The following NCLN variants were observed in gnomAD, a reference collection of about 807,000 sequenced individuals.
The protein encoded by NCLN is nicalin.
A neutral mutation model predicts 69.5 loss-of-function variants in NCLN; 34 were observed. That is an observed-to-expected ratio of 0.49 (90% CI 0.37 to 0.65). NCLN has a LOEUF of 0.65. NCLN is among the 30% of genes least tolerant of loss of function. NCLN has a pLI of 0.00. For synonymous variants in NCLN, 393 were observed against 358.3 expected (o/e 1.10, Z -1.09); for missense variants, 710 against 804.8 (o/e 0.88, Z 1.42).
At position 3,197,118 on chromosome 19, in the gene NCLN, T is replaced by C. The variant is rs966744552; in HGVS notation, c.615+841T>C. ...GCTGTTCTGTTTGTTCCTGTTGGAT[T>C]GTACTGTGGGCCCGGGAGGCGCGTC... On this transcript the variant is annotated intron_variant, in intron 4 of 14. Coordinates refer to ENST00000246117, the MANE Select transcript of NCLN (RefSeq NM_020170.4). Among the ~76,000 whole-genome samples the C allele has an allele frequency of 2.6e-5, 4 of 152,320 alleles. No homozygotes were observed. In the East Asian group the frequency reaches 7.7e-4, roughly 29 times the overall value.
rs145305602 is a variant in NCLN, at chr19:3,193,304, G to A, written c.396G>A (p.Pro132=). The A allele has an allele frequency of 4.0e-5, 64 of 1,612,554 alleles. No individual in the cohort carries two copies. In the South Asian group the frequency reaches 5.4e-4, roughly 14 times the overall value. The part of the protein sequence containing the change: ...DVVRQFMEIE[P]EMLAMETAVP... ...CACAGCAATTCATGGAGATCGAGCC[G>A]GAGATGCTGGCCATGGAGACCGCCG... Residue 132 remains proline, a synonymous_variant, in exon 3 of 15, where the codon CCG becomes CCA. Coordinates refer to ENST00000246117, the MANE Select transcript of NCLN (RefSeq NM_020170.4).
intron 6 of NCLN, 124 bp downstream of exon 6, chr19:3,201,750 AG>A: frequency 1.3e-6 from 1 of 795,394 alleles, no homozygotes; most frequent in Non-Finnish European, 1.9e-6. Flanking sequence ...GCCTGAGCCC[AG>A]GAATTGGGGC....
In NCLN at chr19:3,204,609, A is replaced by G; in HGVS notation, c.1066A>G (p.Met356Val). The G allele has an allele frequency of 1.3e-6, 2 of 1,588,178 alleles. No homozygotes were observed. Among genetic ancestry groups the G allele is most frequent in the Non-Finnish European group, 1.7e-6 (2 of 1,167,858 alleles). The stretch of plus-strand genomic sequence containing the variant: ...CCAGTTCCCTGAGGTACGGTTCTCC[A>G]TGGTGCACAAGCGGATCAACCTGGC... ...AHQFPEVRFS[M>V]VHKRINLAED... The change falls in exon 9 of 15, where the codon ATG becomes GTG. Residue 356 changes from methionine to valine, a missense_variant. By Grantham distance (21) the Met-to-Val change is conservative (BLOSUM62 1). Coordinates refer to ENST00000246117, the MANE Select transcript of NCLN (RefSeq NM_020170.4).
chr19:3,202,200 C>T lies in NCLN; in HGVS notation c.800+574C>T, dbSNP rs141140512. Among the ~76,000 whole-genome samples the T allele has an allele frequency of 6.6e-3, 1,000 of 152,222 alleles. 4 individuals carry two copies. The highest frequency in any genetic ancestry group is 0.011 in the Non-Finnish European group (734 of 67,994). ...CCCAGGAGGCTGCACACATTGAAAT[C>T]CACACCCTGAGTAGGAAGGGAGAGA... On this transcript the variant is annotated intron_variant, in intron 6 of 14. Transcript: ENST00000246117.
intron 5 of NCLN, among the ~76,000 whole-genome samples, chr19:3,201,162 C>G (rs1309166871): frequency 1.3e-5 from 2 of 152,236 alleles, no homozygotes; most frequent in Admixed American, 6.5e-5. Flanking sequence ...TGGACAGATG[C>G]TGCCCTCTGT....
intron 6 of NCLN, among the ~76,000 whole-genome samples, chr19:3,203,313 G>C (rs1486125262): frequency 1.4e-5 from 2 of 139,442 alleles, no homozygotes; most frequent in Non-Finnish European, 3.2e-5. Context: ...CGTCCCAAAA[G>C]AAAAAAAAAA....
At chr19:3,188,208 T>G (rs1402271531) in intron 1 of NCLN, among the ~76,000 whole-genome samples, 1 of 151,600 alleles carries the variant, frequency 6.6e-6, no homozygotes, top group Non-Finnish European at 1.5e-5. Context: ...CCCGGGCAGG[T>G]GTGATCTGGT....
At position 3,205,950 on chromosome 19, in the gene NCLN, A is replaced by T. The variant is rs759576654; in HGVS notation, c.1220A>T (p.Asp407Val). The T allele has an allele frequency of 6.2e-7, 1 of 1,613,660 alleles. No individual in the cohort carries two copies. Among genetic ancestry groups the T allele is most frequent in the Admixed American group, 1.7e-5 (1 of 60,002 alleles). Reference sequence around the variant, plus strand: ...TTTGAATCGTGAAGGTCCCGGGTGGATTCTAAGACCCTGACCCGTAACACG... The same window carrying T: ...TTTGAATCGTGAAGGTCCCGGGTGGTTTCTAAGACCCTGACCCGTAACACG... ...SSIMDVRSRV[D>V]SKTLTRNTRI... Residue 407 changes from aspartate (D) to valine (V), a missense_variant, in exon 10 of 15, where the codon GAT becomes GTT. Transcript: ENST00000246117. The surrounding 1 kb of genome is among the most constrained non-coding windows in gnomAD (Gnocchi z 4.6).
chr19:3,198,300 A>G (rs1916022644), intron 4 of NCLN, among the ~76,000 whole-genome samples: 3 of 151,986 alleles, frequency 2.0e-5, no homozygotes, highest in Non-Finnish European at 4.4e-5. Context: ...AGATCAGGAG[A>G]TCAAGACCAT....
At chr19:3,187,920 G>A (rs939177066) in intron 1 of NCLN, among the ~76,000 whole-genome samples, 3 of 152,110 alleles carry the variant, frequency 2.0e-5, no homozygotes, top group Admixed American at 2.0e-4. Context: ...CTGTAGAATC[G>A]CCTCCATCTT....
At chr19:3,192,956 A>G (rs1915866424) in intron 2 of NCLN, among the ~76,000 whole-genome samples, 1 of 150,550 alleles carries the variant, frequency 6.6e-6, no homozygotes, top group Admixed American at 6.7e-5. Context: ...ATCTGGCCCC[A>G]GGGTCCACAG....
At chr19:3,203,938 C>T in intron 7 of NCLN, 67 bp from the exon 8 acceptor site, 5 of 1,557,376 alleles carry the variant, frequency 3.2e-6, no homozygotes, top group Non-Finnish European at 4.3e-6. Flanking sequence ...AGCCAGGAGG[C>T]ACAGAGGGAG....
At chr19:3,196,312 CCCCAGGGGTT>C in intron 4 of NCLN, 35 bp downstream of exon 4, 1 of 1,454,568 alleles carries the variant, frequency 6.9e-7, no homozygotes, top group Non-Finnish European at 9.4e-7. Context: ...AGCCCCACGT[CCCCAGGGGTT>C]CCTGCCATCC....
In NCLN at chr19:3,206,393, C is replaced by A; in HGVS notation, c.1467C>A (p.Asp489Glu). Residue 489 changes from aspartate to glutamate, a missense_variant, in exon 12 of 15, where the codon GAC (aspartate) becomes GAA (glutamate). Transcript: ENST00000246117. Reference sequence around the variant, plus strand: ...ACCACCTGAGCCGCTACCTGAAGGACGTGAAGCAGCACCACGTCAAGGCTG... The same window carrying A: ...ACCACCTGAGCCGCTACCTGAAGGAAGTGAAGCAGCACCACGTCAAGGCTG... ...LEHHLSRYLK[D>E]VKQHHVKADK... The A allele has an allele frequency of 6.5e-7, 1 of 1,548,072 alleles. No individual in the cohort carries two copies. The highest frequency in any genetic ancestry group is 8.7e-7 in the Non-Finnish European group (1 of 1,146,894).
Position 3,204,736 on chromosome 19 carries a change from G to A in NCLN, c.1193G>A (p.Ser398Asn), listed in dbSNP as rs1446282889. Reference protein sequence around the residue: ...LESHRDGQRSSIMDVRSRVDS... With the variant: ...LESHRDGQRSNIMDVRSRVDS... ...AGCCACCGTGACGGCCAGCGCAGCAGCATCATGGACGTGCGGTGAGCGCGG... is the reference window on the plus strand; with the variant it reads ...AGCCACCGTGACGGCCAGCGCAGCAACATCATGGACGTGCGGTGAGCGCGG... Residue 398 changes from serine (S) to asparagine (N), a missense_variant, in exon 9 of 15, where the codon AGC becomes AAC. Transcript: ENST00000246117. The A allele has an allele frequency of 6.4e-7, 1 of 1,556,282 alleles. No individual in the cohort carries two copies. The highest frequency in any genetic ancestry group is 8.7e-7 in the Non-Finnish European group (1 of 1,150,452).
At chr19:3,189,792 C>G (rs1915764387) in intron 1 of NCLN, among the ~76,000 whole-genome samples, 1 of 152,228 alleles carries the variant, frequency 6.6e-6, no homozygotes, top group Non-Finnish European at 1.5e-5. Context: ...GGAGATGGGC[C>G]TTGGCCACAG....
Position 3,206,145 on chromosome 19 carries a change from T to TC in NCLN, c.1297-5dup. On this transcript the variant is annotated splice_polypyrimidine_tract_variant and splice_region_variant and intron_variant, in intron 10 of 14. Coordinates refer to ENST00000246117, the MANE Select transcript of NCLN (RefSeq NM_020170.4). ...GGACTCAGGGCCATCCCCTCCTCTC[T>TC]CCGCAGGGGACACCCCCAGACATGC... The TC allele has an allele frequency of 6.9e-7, 1 of 1,450,428 alleles. No homozygotes were observed. The highest frequency in any genetic ancestry group is 9.1e-7 in the Non-Finnish European group (1 of 1,095,968). The allele number at this position is 1,450,428 out of a possible 1,614,324, so 89.8% of individuals were successfully genotyped here.
In NCLN at chr19:3,186,046, G is replaced by A. The variant is rs1283807525; in HGVS notation, c.16G>A (p.Gly6Ser). 3.8e-6 allele frequency: 6 copies of A among 1,579,834 alleles called. No individual in the cohort carries two copies. In the Admixed American group the frequency reaches 5.3e-5, roughly 14 times the overall value. Reference protein sequence around the residue: MLEEAGEVLENMLKAS... With the variant: MLEEASEVLENMLKAS... ...GCCGGCCAGGATGCTGGAGGAAGCG[G>A]GCGAGGTGCTGGAGAACATGCTGAA... is the stretch of plus-strand genomic sequence containing the variant. Residue 6 changes from glycine to serine, a missense_variant, in exon 1 of 15, where the codon GGC becomes AGC. Gly to Ser is a moderately conservative substitution (Grantham distance 56, BLOSUM62 0). Coordinates refer to ENST00000246117, the MANE Select transcript of NCLN (RefSeq NM_020170.4).
chr19:3,206,061 C>A (rs774605262), intron 10 of NCLN, 35 bp downstream of exon 10: 41 of 1,609,254 alleles, frequency 2.5e-5, no homozygotes, highest in Admixed American at 3.3e-5. Flanking sequence ...CCAGACCCAG[C>A]CCCAGCCCTG....
Sources: gnomAD v4.1 joint callset for allele counts (sites outside exome capture counted in the v4.1 genomes callset) on GRCh38, gnomAD v4.1.1 for gene constraint, Gnocchi (gnomAD v3.1) non-coding constraint, MANE v1.5 for transcripts, NCBI Gene and HGNC (gene_info 2026-07-23, HGNC 2026-07-21) for gene names.